GRM3: variants seen among roughly 807,000 people sequenced by gnomAD.
The protein encoded by GRM3 is metabotropic glutamate receptor 3.
GRM3 carries 26 observed loss-of-function variants against 70.5 expected under a neutral mutation model. That is an observed-to-expected ratio of 0.37 (90% CI 0.27 to 0.51). GRM3 has a LOEUF of 0.51. GRM3 is among the 20% of genes least tolerant of loss of function. The pLI is 0.93. For missense variants in GRM3, 859 were observed against 1,123.8 expected (o/e 0.76, Z 3.37); for synonymous variants, 443 against 434.9 (o/e 1.02, Z -0.23).
intron 1 of GRM3, among the ~76,000 whole-genome samples, chr7:86,648,888 T>C (rs1584137168): frequency 6.6e-6 from 1 of 152,132 alleles, no homozygotes; most frequent in Non-Finnish European, 1.5e-5. Context: ...GAAATACAAG[T>C]TCTGCTAGAC....
chr7:86,657,157 T>C (rs1793767314), intron 1 of GRM3, among the ~76,000 whole-genome samples: 1 of 152,188 alleles, frequency 6.6e-6, no homozygotes, highest in Non-Finnish European at 1.5e-5. Context: ...AAAAGTGACA[T>C]CAACCTAATG....
intron 1 of GRM3, 56 bp downstream of exon 1, chr7:86,644,928 A>G (rs1340604259): frequency 9.8e-7 from 1 of 1,024,856 alleles, no homozygotes; most frequent in Non-Finnish European, 1.3e-6. Flanking sequence ...CAGGGCGCGG[A>G]AGCTCGGGTG....
intron 1 of GRM3, among the ~76,000 whole-genome samples, chr7:86,697,292 CAA>C (rs77134910): frequency 1.3e-4 from 16 of 118,866 alleles, no homozygotes; most frequent in Admixed American, 1.7e-4. Flanking sequence ...TAAACAAAAG[CAA>C]AAAAAAAAAA....
At chr7:86,669,638 A>T (rs1403942836) in intron 1 of GRM3, among the ~76,000 whole-genome samples, 4 of 152,192 alleles carry the variant, frequency 2.6e-5, no homozygotes, top group Admixed American at 2.0e-4. Flanking sequence ...GAATGTGGAA[A>T]CAATAACTGA....
intron 3 of GRM3, among the ~76,000 whole-genome samples, chr7:86,810,446 G>A (rs569740342): frequency 3.9e-5 from 6 of 151,980 alleles, no homozygotes; most frequent in South Asian, 2.1e-4. Flanking sequence ...TCATGTCATC[G>A]GGAGTTTTAT....
At chr7:86,798,552 G>A (rs1354151074) in intron 3 of GRM3, among the ~76,000 whole-genome samples, 1 of 152,160 alleles carries the variant, frequency 6.6e-6, no homozygotes, top group Non-Finnish European at 1.5e-5. Context: ...TTGTATATAG[G>A]AAGTAACTAA....
chr7:86,822,806 T>TA (rs919265153), intron 3 of GRM3, among the ~76,000 whole-genome samples: 2 of 152,210 alleles, frequency 1.3e-5, no homozygotes, highest in Admixed American at 1.3e-4. Context: ...CTACATACCA[T>TA]ATCAATCTCT....
intron 3 of GRM3, among the ~76,000 whole-genome samples, chr7:86,828,342 TCA>T: frequency 6.6e-6 from 1 of 152,166 alleles, no homozygotes; most frequent in South Asian, 2.1e-4. Flanking sequence ...CAACTGAAAC[TCA>T]CATACAATTT....
chr7:86,685,083 T>C (rs987689737), intron 1 of GRM3, among the ~76,000 whole-genome samples: 1 of 152,224 alleles, frequency 6.6e-6, no homozygotes, highest in Admixed American at 6.5e-5. Flanking sequence ...CAATTTCTCA[T>C]TATTTAAAAT....
At chr7:86,675,521 C>A (rs932882070) in intron 1 of GRM3, among the ~76,000 whole-genome samples, 2 of 151,978 alleles carry the variant, frequency 1.3e-5, no homozygotes, top group Admixed American at 1.3e-4. Context: ...AACACTAACA[C>A]AGAGAATAAA....
chr7:86,759,221 T>C (rs1356948602), intron 1 of GRM3, among the ~76,000 whole-genome samples: 1 of 152,128 alleles, frequency 6.6e-6, no homozygotes, highest in East Asian at 1.9e-4. Context: ...CAATAACATG[T>C]ATTCTAATTC....
chr7:86,721,779 G>A (rs1414971355), intron 1 of GRM3, among the ~76,000 whole-genome samples: 28 of 152,036 alleles, frequency 1.8e-4, no homozygotes, highest in Non-Finnish European at 2.9e-5. Flanking sequence ...TGCATTTTGA[G>A]GCAAAAGTGA....
At chr7:86,710,574 G>C (rs1438311313) in intron 1 of GRM3, among the ~76,000 whole-genome samples, 7 of 125,262 alleles carry the variant, frequency 5.6e-5, no homozygotes, top group African/African-American at 1.9e-4. Context: ...GGTGGGGGGT[G>C]GGGGGAGGGG....
chr7:86,842,535 G>A (rs1462774736), intron 4 of GRM3, among the ~76,000 whole-genome samples: 1 of 152,100 alleles, frequency 6.6e-6, no homozygotes, highest in Admixed American at 6.6e-5. Flanking sequence ...TGGGAACCTT[G>A]CTCTAGAAAT....
intron 1 of GRM3, among the ~76,000 whole-genome samples, chr7:86,661,888 T>C (rs1195259749): frequency 6.6e-6 from 1 of 151,846 alleles, no homozygotes; most frequent in Non-Finnish European, 1.5e-5. Context: ...TAAAGCATAA[T>C]AGGCACTTTA....
At chr7:86,855,241 G>T (rs568986873) in intron 5 of GRM3, among the ~76,000 whole-genome samples, 25 of 152,254 alleles carry the variant, frequency 1.6e-4, no homozygotes, top group African/African-American at 6.0e-4. Context: ...TATTTAAAGA[G>T]ACAAGCTGGA....
chr7:86,655,451 T>G (rs2115801614), intron 1 of GRM3, among the ~76,000 whole-genome samples: 2 of 152,290 alleles, frequency 1.3e-5, no homozygotes, highest in East Asian at 3.9e-4. Context: ...TATTTTTATT[T>G]CTCACTGCCC....
chr7:86,748,719 A>C (rs924284767), intron 1 of GRM3, among the ~76,000 whole-genome samples: 1 of 152,034 alleles, frequency 6.6e-6, no homozygotes, highest in Non-Finnish European at 1.5e-5. Context: ...CAGTGGGACT[A>C]TTACATTAAA....
In GRM3 at chr7:86,786,495, C is replaced by G; in HGVS notation, c.703C>G (p.Arg235Gly). Residue 235 changes from arginine (R) to glycine (G), a missense_variant, in exon 3 of 6, where the codon CGC (arginine) becomes GGC (glycine). By Grantham distance (125) the Arg-to-Gly change is moderately radical (BLOSUM62 -2). Transcript: ENST00000361669. This position sits in a 1 kb window ranked among gnomAD's most constrained non-coding sequence, Gnocchi z 6.0. ...GATCGAGGCCTTCGAGCAGGAAGCC[C>G]GCCTGCGCAACATCTGCATCGCTAC... ...TGIEAFEQEA[R>G]LRNICIATAE... 1.2e-6 allele frequency: 2 copies of G among 1,614,226 alleles called. No homozygotes were observed. Among genetic ancestry groups the G allele is most frequent in the Non-Finnish European group, 1.7e-6 (2 of 1,180,050 alleles).
Sources: allele counts gnomAD v4.1 joint callset (sites outside exome capture counted in the v4.1 genomes callset), GRCh38; gene constraint gnomAD v4.1.1; non-coding constraint Gnocchi (gnomAD v3.1); transcripts MANE v1.5; gene names NCBI Gene and HGNC (gene_info 2026-07-23, HGNC 2026-07-21).